Variants in CHD7 observed in about 807,000 individuals in gnomAD.
CHD7 encodes ATP-dependent chromatin remodeler CHD7.
CHD7 carries 24 observed loss-of-function variants against 307.3 expected under a neutral mutation model. The observed-to-expected ratio is 0.08, with a 90% CI of 0.06 to 0.11. The LOEUF is 0.11. CHD7 is among the 10% of genes least tolerant of loss of function. The pLI is 1.00. For synonymous variants in CHD7, 1,363 were observed against 1,349.9 expected (o/e 1.01, Z -0.21); for missense variants, 3,106 against 3,727.1 (o/e 0.83, Z 4.34).
At position 60,742,024 on chromosome 8, in the gene CHD7, T is replaced by G; in HGVS notation, c.592T>G (p.Phe198Val). The change falls in exon 2 of 38, where the codon TTT becomes GTT. Residue 198 changes from phenylalanine (F) to valine (V), a missense_variant. Phe to Val is a conservative substitution (Grantham distance 50). Coordinates refer to ENST00000423902, the MANE Select transcript of CHD7 (RefSeq NM_017780.4). ...QMGSYMARGD[F>V]SMQQHGQPQQ... ...GGGCAGCTATATGGCACGTGGGGAT[T>G]TTTCCATGCAGCAGCATGGTCAGCC... is the stretch of plus-strand genomic sequence containing the variant. 6.2e-7 allele frequency: 1 copy of G among 1,613,724 alleles called. No individual in the cohort carries two copies. Among genetic ancestry groups the G allele is most frequent in the African/African-American group, 1.3e-5 (1 of 74,984 alleles).
At chr8:60,797,673 T>C (rs1310510319) in intron 4 of CHD7, among the ~76,000 whole-genome samples, 1 of 152,240 alleles carries the variant, frequency 6.6e-6, no homozygotes, top group Non-Finnish European at 1.5e-5. Context: ...GAAATATAAA[T>C]GAATCCATTT....
At chr8:60,807,286 G>C (rs1812581132) in intron 6 of CHD7, among the ~76,000 whole-genome samples, 1 of 152,108 alleles carries the variant, frequency 6.6e-6, no homozygotes, top group African/African-American at 2.4e-5. Flanking sequence ...GCAGGCTTGG[G>C]GTCTCTTGTA....
chr8:60,837,033 T>C (rs1465451347), intron 17 of CHD7, 21 bp downstream of exon 17: 1 of 1,573,688 alleles, frequency 6.4e-7, no homozygotes, highest in Non-Finnish European at 8.7e-7. Flanking sequence ...AAGAAAGTCC[T>C]GATGCCTTTA....
intron 9 of CHD7, among the ~76,000 whole-genome samples, chr8:60,821,145 G>T (rs1454928600): frequency 6.6e-6 from 1 of 152,126 alleles, no homozygotes; most frequent in Non-Finnish European, 1.5e-5. Flanking sequence ...TTAAGCGTAT[G>T]TCTCATTTTT....
intron 3 of CHD7, among the ~76,000 whole-genome samples, chr8:60,786,056 C>T (rs934583433): frequency 6.6e-6 from 1 of 152,164 alleles, no homozygotes; most frequent in African/African-American, 2.4e-5. Flanking sequence ...CCGACCTGTC[C>T]TACCCAGTCT....
At chr8:60,767,454 A>G (rs1810524652) in intron 2 of CHD7, among the ~76,000 whole-genome samples, 4 of 152,214 alleles carry the variant, frequency 2.6e-5, no homozygotes, top group Non-Finnish European at 5.9e-5. Flanking sequence ...CTTGTTTTAA[A>G]TGACTGAAAG....
intron 1 of CHD7, among the ~76,000 whole-genome samples, chr8:60,738,274 T>C (rs1230885551): frequency 2.6e-5 from 4 of 152,236 alleles, no homozygotes; most frequent in Non-Finnish European, 5.9e-5. Context: ...GCTTATTCAT[T>C]TTTTTATATT....
At chr8:60,859,233 T>G (rs142635600) in intron 34 of CHD7, among the ~76,000 whole-genome samples, 25 of 152,320 alleles carry the variant, frequency 1.6e-4, no homozygotes, top group Middle Eastern at 3.4e-3. Context: ...AGGAAAGCAC[T>G]GCTCGATCTG....
At chr8:60,733,974 A>G (rs930866856) in intron 1 of CHD7, among the ~76,000 whole-genome samples, 1 of 152,208 alleles carries the variant, frequency 6.6e-6, no homozygotes, top group Non-Finnish European at 1.5e-5. Context: ...AAATTAAACC[A>G]TCTTTAGATA....
Position 60,860,924 on chromosome 8 carries a change from A to G in CHD7, c.7629A>G (p.Lys2543=). The G allele has an allele frequency of 6.2e-7, 1 of 1,613,590 alleles. No homozygotes were observed. Among genetic ancestry groups the G allele is most frequent in the South Asian group, 1.1e-5 (1 of 91,050 alleles). ...TGCAGGAGGATGCTGAGGTGACCAA[A>G]GCTTTTGAAGAAGATATAGAGACCC... ...SLSAEDAEVT[K]AFEEDIETPP... is the part of the protein sequence containing the mutation. The change falls in exon 35 of 38, where the codon AAA becomes AAG. Residue 2543 remains lysine (K), a synonymous_variant. Coordinates refer to ENST00000423902, the MANE Select transcript of CHD7 (RefSeq NM_017780.4).
chr8:60,748,918 TCTC>T (rs1468549919), intron 2 of CHD7, among the ~76,000 whole-genome samples: 1 of 151,182 alleles, frequency 6.6e-6, no homozygotes, highest in Non-Finnish European at 1.5e-5. Context: ...TAATTTCCCA[TCTC>T]CTCATTTTCC....
In CHD7 at chr8:60,742,047, G is replaced by T; in HGVS notation, c.615G>T (p.Gln205His). The stretch of plus-strand genomic sequence containing the variant: ...ATTTTTCCATGCAGCAGCATGGTCA[G>T]CCACAGCAGAGGATGAGCCAGTTTT... ...RGDFSMQQHG[Q>H]PQQRMSQFSQ... Residue 205 changes from glutamine to histidine, a missense_variant, in exon 2 of 38, where the codon CAG becomes CAT. Gln to His is a conservative substitution (Grantham distance 24, BLOSUM62 0). Around this residue, in one of 10 missense-constraint regions of CHD7, gnomAD observed 998 missense variants for 1,004.5 expected, o/e 0.99. Coordinates refer to ENST00000423902, the MANE Select transcript of CHD7 (RefSeq NM_017780.4). 2 of 1,613,868 alleles carry T rather than the reference G, an allele frequency of 1.2e-6. No homozygotes were observed. Among genetic ancestry groups the T allele is most frequent in the Non-Finnish European group, 1.7e-6 (2 of 1,179,896 alleles).
intron 1 of CHD7, among the ~76,000 whole-genome samples, chr8:60,710,099 T>C (rs1303700020): frequency 2.0e-5 from 3 of 152,128 alleles, no homozygotes; most frequent in African/African-American, 7.2e-5. Flanking sequence ...ACACCTTGTT[T>C]AGATGAAATG....
At chr8:60,686,361 AAAAAACT>A in intron 1 of CHD7, among the ~76,000 whole-genome samples, 1 of 152,196 alleles carries the variant, frequency 6.6e-6, no homozygotes, top group African/African-American at 2.4e-5. Context: ...AAAAAAAAAA[AAAAAACT>A]CTTTAAAATA....
At chr8:60,765,229 A>G (rs1286959687) in intron 2 of CHD7, among the ~76,000 whole-genome samples, 5 of 139,146 alleles carry the variant, frequency 3.6e-5, no homozygotes, top group Non-Finnish European at 6.3e-5. Flanking sequence ...ACACACACAC[A>G]CGCACACGCA....
intron 2 of CHD7, among the ~76,000 whole-genome samples, chr8:60,762,560 T>C (rs1370391591): frequency 7.2e-5 from 11 of 152,198 alleles, no homozygotes; most frequent in Non-Finnish European, 1.5e-4. Context: ...AACCGTGTTA[T>C]TAGAAAGACT....
intron 19 of CHD7, among the ~76,000 whole-genome samples, chr8:60,838,821 A>G (rs527898010): frequency 1.3e-4 from 20 of 152,278 alleles, no homozygotes; most frequent in African/African-American, 4.6e-4. Context: ...CACTGAGTAC[A>G]CCAGATGGTT....
At chr8:60,743,124 C>T (rs751877217) in intron 2 of CHD7, 27 bp downstream of exon 2, 3 of 1,581,288 alleles carry the variant, frequency 1.9e-6, no homozygotes. Context: ...CCTACCTCTG[C>T]ATTGCAGTGT....
chr8:60,819,488 C>A (rs530380310), intron 8 of CHD7, among the ~76,000 whole-genome samples: 3 of 152,164 alleles, frequency 2.0e-5, no homozygotes, highest in African/African-American at 7.2e-5. Context: ...TATTGGTTGA[C>A]AAATACTACC....
Sources: allele counts gnomAD v4.1 joint callset (sites outside exome capture counted in the v4.1 genomes callset), GRCh38; gene constraint gnomAD v4.1.1; regional missense constraint gnomAD v4.1.1; transcripts MANE v1.5; gene names NCBI Gene and HGNC (gene_info 2026-07-23, HGNC 2026-07-21).